COL13A1: variants seen among roughly 807,000 people sequenced by gnomAD.
The protein encoded by COL13A1 is collagen alpha-1(XIII) chain.
A neutral mutation model predicts 130.9 loss-of-function variants in COL13A1; 89 were observed. That is an observed-to-expected ratio of 0.68 (90% CI 0.57 to 0.81). COL13A1 has a LOEUF of 0.81. Ranked by LOEUF, COL13A1 falls within the 30% of genes least tolerant of loss-of-function variation. The probability of loss-of-function intolerance (pLI) is 0.00; values close to 1 mark genes in which losing one functional copy is unlikely to be tolerated. For synonymous variants in COL13A1, 402 were observed against 341.6 expected (o/e 1.18, Z -1.95); for missense variants, 879 against 934.6 (o/e 0.94, Z 0.78).
At chr10:69,944,215 A>C (rs1375020031) in intron 36 of COL13A1, 37 bp downstream of exon 36, 1 of 1,583,944 alleles carries the variant, frequency 6.3e-7, no homozygotes, top group Non-Finnish European at 8.7e-7. Flanking sequence ...GGCGGCCAGG[A>C]GGGAGAGGCA....
In COL13A1 at chr10:69,867,696, A is replaced by G. The variant is rs1280682094; in HGVS notation, c.365-102A>G. 7.3e-6 allele frequency: 5 copies of G among 683,638 alleles called. No homozygotes were observed. The Admixed American group carries it at 1.1e-4, about 15-fold the overall frequency. The allele number at this position is 683,638 out of a possible 1,614,324, so 42.3% of individuals were successfully genotyped here. A position where few individuals can be genotyped will look rare whatever the true frequency, so the allele number is the denominator to read the frequency against. ...GACAAACTTCGAAGACCAGATGGAA[A>G]CCCCTCCGCTGATGAATCCTTGGAC... On this transcript the variant is annotated intron_variant, in intron 2 of 40. Transcript: ENST00000645393.
rs2068113931 is a variant in COL13A1 at position 69,944,321 on chromosome 10, C to T, written c.1968+143C>T. On this transcript the variant is annotated intron_variant, in intron 36 of 40. Coordinates refer to ENST00000645393, the MANE Select transcript of COL13A1 (RefSeq NM_001368882.1). ...TCACAGCAGCCTGGGACAGGGGGTG[C>T]TGGTTGTGTAGCTATGAGTTGACAA... 4.0e-6 allele frequency: 3 copies of T among 743,044 alleles called. No homozygotes were observed. In the Admixed American group the frequency reaches 6.2e-5, roughly 15 times the overall value. 46.0% of individuals were successfully genotyped at this position (743,044 alleles called of 1,614,324 possible).
intron 7 of COL13A1, among the ~76,000 whole-genome samples, chr10:69,884,271 C>T (rs935622153): frequency 1.3e-5 from 2 of 152,192 alleles, no homozygotes. Context: ...ATGTTGGTAG[C>T]TTGAAATCGG....
chr10:69,811,121 C>A (rs572415825), intron 1 of COL13A1, among the ~76,000 whole-genome samples: 2 of 152,238 alleles, frequency 1.3e-5, no homozygotes, highest in African/African-American at 4.8e-5. Flanking sequence ...CCCACCCCAG[C>A]CTTGCCTGCC....
At chr10:69,843,024 G>A (rs1158527379) in intron 2 of COL13A1, among the ~76,000 whole-genome samples, 2 of 152,202 alleles carry the variant, frequency 1.3e-5, no homozygotes, top group African/African-American at 4.8e-5. Context: ...ATGTTCTCCG[G>A]CTGCTGAGCC....
chr10:69,948,326 G>A (rs1464827694), intron 38 of COL13A1, among the ~76,000 whole-genome samples: 2 of 134,322 alleles, frequency 1.5e-5, no homozygotes, highest in African/African-American at 5.5e-5. Flanking sequence ...CTCCTATCTG[G>A]CAACAGTGAA....
intron 34 of COL13A1, among the ~76,000 whole-genome samples, 166 bp downstream of exon 34, chr10:69,937,881 C>T (rs1306589650): frequency 6.6e-6 from 1 of 152,210 alleles, no homozygotes; most frequent in Non-Finnish European, 1.5e-5. Flanking sequence ...TGATTCTCTT[C>T]CTCCTCTGGG....
At chr10:69,889,492 C>T (rs2060951803) in intron 10 of COL13A1, 52 bp downstream of exon 10, 2 of 1,597,780 alleles carry the variant, frequency 1.3e-6, no homozygotes, top group South Asian at 2.3e-5. Context: ...TTGGCCCAGC[C>T]TCACAGGCAC....
At chr10:69,911,270 G>A (rs1293677672) in intron 17 of COL13A1, among the ~76,000 whole-genome samples, 3 of 152,234 alleles carry the variant, frequency 2.0e-5, no homozygotes, top group African/African-American at 7.2e-5. Context: ...GGGCCCGTGT[G>A]GTGGACACAC....
chr10:69,816,137 G>A (rs755665971), intron 1 of COL13A1, among the ~76,000 whole-genome samples: 12 of 150,612 alleles, frequency 8.0e-5, no homozygotes, highest in East Asian at 3.9e-4. Context: ...GCAGGGGCAC[G>A]GGCAGAAGTC....
intron 39 of COL13A1, 84 bp from the exon 40 acceptor site, chr10:69,956,920 G>A (rs1192345602): frequency 7.6e-5 from 79 of 1,039,276 alleles, no homozygotes; most frequent in South Asian, 3.3e-4. Context: ...GCCAAAATGC[G>A]TGTGGCCCTT....
rs573668102 is a variant in COL13A1, at chr10:69,858,115, C to CAAA, written c.365-9665_365-9663dup. Among the ~76,000 whole-genome samples the CAAA allele has an allele frequency of 4.2e-4, 34 of 80,300 alleles. 2 individuals are homozygous for CAAA. The highest frequency in any genetic ancestry group is 1.4e-3 in the Admixed American group (8 of 5,856). The allele number at this position is 80,300 out of a possible 152,430, so 52.7% of individuals were successfully genotyped here. A position where few individuals can be genotyped will look rare whatever the true frequency, so the allele number is the denominator to read the frequency against. The stretch of plus-strand genomic sequence containing the variant: ...TGGGTGACAGAGCGAGACTCCGTCT[C>CAAA]AAAAAAAAAAAAAAAAAAAAGATTG... On this transcript the variant is annotated intron_variant, in intron 2 of 40. Transcript: ENST00000645393.
intron 2 of COL13A1, among the ~76,000 whole-genome samples, chr10:69,861,861 G>A (rs773838685): frequency 1.1e-4 from 17 of 152,246 alleles, no homozygotes; most frequent in Non-Finnish European, 1.9e-4. Context: ...CCCAGGACCT[G>A]TTATACCCCA....
chr10:69,855,916 T>C lies in COL13A1; in HGVS notation c.365-11882T>C, dbSNP rs192479213. Reference sequence around the variant, plus strand: ...TGTTATGACATTGCTCCTTCACAGATCTGTAGTCAGATGATAGCCAGTGGG... The same window carrying C: ...TGTTATGACATTGCTCCTTCACAGACCTGTAGTCAGATGATAGCCAGTGGG... On this transcript the variant is annotated intron_variant, in intron 2 of 40. Coordinates refer to ENST00000645393, the MANE Select transcript of COL13A1 (RefSeq NM_001368882.1). 4.8e-5 allele frequency among the ~76,000 whole-genome samples: 7 copies of C among 146,986 alleles called. No homozygotes were observed. In the East Asian group the frequency reaches 1.4e-3, roughly 29 times the overall value.
chr10:69,942,879 G>A (rs2067855283), intron 35 of COL13A1, among the ~76,000 whole-genome samples: 1 of 152,296 alleles, frequency 6.6e-6, no homozygotes, highest in African/African-American at 2.4e-5. Context: ...ACAGAGTCTC[G>A]CTCTGTCACC....
chr10:69,925,987 A>G, intron 26 of COL13A1, 115 bp downstream of exon 26: 1 of 824,304 alleles, frequency 1.2e-6, no homozygotes, highest in Non-Finnish European at 2.0e-6. Flanking sequence ...TCAGGCCCTC[A>G]GGCAGCGCTT....
chr10:69,957,802 G>A (rs375558927), intron 40 of COL13A1, among the ~76,000 whole-genome samples: 42 of 152,132 alleles, frequency 2.8e-4, no homozygotes, highest in African/African-American at 9.4e-4. Context: ...GCCCCATACC[G>A]TCTCCCTCCA....
At chr10:69,874,898 C>T (rs1197305974) in intron 4 of COL13A1, among the ~76,000 whole-genome samples, 1 of 152,230 alleles carries the variant, frequency 6.6e-6, no homozygotes, top group Non-Finnish European at 1.5e-5. Context: ...CTTTCCACAA[C>T]ACTCATGCCT....
At chr10:69,915,747 C>T (rs912964436) in intron 17 of COL13A1, among the ~76,000 whole-genome samples, 1 of 152,194 alleles carries the variant, frequency 6.6e-6, no homozygotes, top group Non-Finnish European at 1.5e-5. Context: ...CAGCCCAGGG[C>T]ACCAGACAAG....
Sources: allele counts gnomAD v4.1 joint callset (sites outside exome capture counted in the v4.1 genomes callset), GRCh38; gene constraint gnomAD v4.1.1; transcripts MANE v1.5; gene names NCBI Gene and HGNC (gene_info 2026-07-23, HGNC 2026-07-21).